MVP: variants seen among roughly 807,000 people sequenced by gnomAD.
MVP encodes lung resistance-related protein.
MVP carries 62 observed loss-of-function variants against 83.5 expected under a neutral mutation model. That is an observed-to-expected ratio of 0.74 (90% CI 0.61 to 0.92). MVP has a LOEUF of 0.92. Ranked by LOEUF, MVP falls within the 40% of genes least tolerant of loss-of-function variation. The pLI is 0.00. For synonymous variants in MVP, 505 were observed against 504.1 expected, an observed-to-expected ratio of 1.00 and a Z score of -0.02; for missense variants, 1,000 against 1,203.4, an observed-to-expected ratio of 0.83 and a Z score of 2.50.
intron 7 of MVP, 141 bp downstream of exon 7, chr16:29,837,099 T>G: frequency 1.4e-6 from 1 of 740,140 alleles, no homozygotes; most frequent in Non-Finnish European, 2.1e-6. Context: ...CTTACACACC[T>G]GAGACACTGG....
Position 29,830,622 on chromosome 16 carries a change from G to C in MVP, c.73G>C (p.Val25Leu). The change falls in exon 2 of 15, where the codon GTG becomes CTG. Residue 25 changes from valine to leucine, a missense_variant. Coordinates refer to ENST00000357402, the MANE Select transcript of MVP (RefSeq NM_005115.5). ...YIHVLDQNSN[V>L]SRVEVGPKTY... ...CCATGTGCTGGACCAGAACAGCAAC[G>C]TGTCCCGTGTGGAGGTCGGGCCAAA... 6.2e-7 allele frequency: 1 copy of C among 1,614,074 alleles called. No homozygotes were observed. Among genetic ancestry groups the C allele is most frequent in the Non-Finnish European group, 8.5e-7 (1 of 1,180,004 alleles).
At position 29,843,214 on chromosome 16, in the gene MVP, G is replaced by T. The variant is rs548921743; in HGVS notation, c.1634+1102G>T. 8.9e-4 allele frequency among the ~76,000 whole-genome samples: 136 copies of T among 152,166 alleles called. 1 individual carries two copies. Among genetic ancestry groups the T allele is most frequent in the African/African-American group, 3.1e-3 (130 of 41,504 alleles). On this transcript the variant is annotated intron_variant, in intron 10 of 14. Transcript: ENST00000357402. The stretch of plus-strand genomic sequence containing the variant: ...ATGTACAGAAACAGTGTTCATGACT[G>T]GGTACTGTGGCTCACACCTGTGATC...
chr16:29,829,304 A>G (rs1213623549), intron 1 of MVP, among the ~76,000 whole-genome samples: 1 of 149,908 alleles, frequency 6.7e-6, no homozygotes, highest in Non-Finnish European at 1.5e-5. Flanking sequence ...AGGCAACATA[A>G]TGAGACCTCA....
chr16:29,844,648 G>A lies in MVP; in HGVS notation c.1790G>A (p.Arg597His), dbSNP rs377434387. ...GATGACTTCCATAAGAACTCAGCCC[G>A]CATCATTCGCACTGCTGTCTTTGGC... ...TFDDFHKNSA[R>H]IIRTAVFGFE... Residue 597 changes from arginine to histidine, a missense_variant, in exon 11 of 15, where the codon CGC becomes CAC. Arg to His is a conservative substitution (Grantham distance 29). Coordinates refer to ENST00000357402, the MANE Select transcript of MVP (RefSeq NM_005115.5). 12 of 1,614,032 alleles carry A rather than the reference G, an allele frequency of 7.4e-6. No individual in the cohort carries two copies. The highest frequency in any genetic ancestry group is 2.7e-5 in the African/African-American group (2 of 74,946).
chr16:29,845,769 TG>T, intron 11 of MVP, 93 bp from the exon 12 acceptor site: 1 of 1,091,780 alleles, frequency 9.2e-7, no homozygotes, highest in Non-Finnish European at 1.3e-6. Flanking sequence ...GGGTCTGTCC[TG>T]GGCACCGGTT....
chr16:29,831,148 C>T (rs2067439408), intron 3 of MVP, 75 bp downstream of exon 3: 1 of 1,352,716 alleles, frequency 7.4e-7, no homozygotes, highest in East Asian at 2.4e-5. Flanking sequence ...CTGCTGCCTT[C>T]TTCTTCTTTT....
rs749105211 is a variant in MVP, at chr16:29,836,745, G to GCGGAA, written c.698_702dup (p.Phe235GlyfsTer19). 1.9e-6 allele frequency: 3 copies of GCGGAA among 1,600,044 alleles called. No individual in the cohort carries two copies. The highest frequency in any genetic ancestry group is 2.6e-6 in the Non-Finnish European group (3 of 1,170,324). ...AGACAGCCCTGCACCTCCGGGCTCG[G>GCGGAA]CGGAACTTCCGGGACTTCAGGGGAG... is the stretch of plus-strand genomic sequence containing the variant. On this transcript the variant is annotated frameshift_variant, in exon 7 of 15. Coordinates refer to ENST00000357402, the MANE Select transcript of MVP (RefSeq NM_005115.5). LOFTEE classifies it high-confidence loss of function.
chr16:29,843,824 C>T (rs1049100740), intron 10 of MVP, among the ~76,000 whole-genome samples: 15 of 152,154 alleles, frequency 9.9e-5, no homozygotes, highest in South Asian at 6.2e-4. Flanking sequence ...CTCTTGAATC[C>T]GGGAGGCGGA....
rs1034850813 is a variant in MVP at position 29,840,253 on chromosome 16, C to T, written c.985C>T (p.Gln329Ter). ...GIQDVYVLSE[Q>*]QGLLLRALQP... ...CCAGGATGTGTATGTGCTGTCGGAG[C>T]AGCAGGGGCTGCTGCTGAGGGCCCT... Residue 329 changes from glutamine (Q) to a stop codon, truncating the protein, a stop_gained, in exon 8 of 15, where the codon CAG becomes TAG. Coordinates refer to ENST00000357402, the MANE Select transcript of MVP (RefSeq NM_005115.5). LOFTEE classifies it high-confidence loss of function. 2 of 1,613,874 alleles carry T rather than the reference C, an allele frequency of 1.2e-6. No individual in the cohort carries two copies. Among genetic ancestry groups the T allele is most frequent in the African/African-American group, 1.3e-5 (1 of 74,908 alleles).
intron 1 of MVP, among the ~76,000 whole-genome samples, chr16:29,823,122 CTTTTTTT>C (rs66512916): frequency 1.0e-4 from 10 of 98,484 alleles, no homozygotes; most frequent in East Asian, 1.0e-3. Context: ...CTTTTCTTTT[CTTTTTTT>C]TTTTTTTTTT....
Position 29,842,794 on chromosome 16 carries a change from G to A in MVP, c.1634+682G>A, listed in dbSNP as rs112447014. On this transcript the variant is annotated intron_variant, in intron 10 of 14. Transcript: ENST00000357402. ...GAACCTAGGAGTTCACGCAAATCCA[G>A]GGAAGGCGTGGGCTCACCTCCTGGG... Among the ~76,000 whole-genome samples, 907 of 152,298 alleles carry A rather than the reference G, an allele frequency of 6.0e-3. 7 individuals carry two copies. The highest frequency in any genetic ancestry group is 0.019 in the African/African-American group (787 of 41,564).
At chr16:29,846,561 G>A (rs1242442838) in intron 13 of MVP, among the ~76,000 whole-genome samples, 1 of 152,204 alleles carries the variant, frequency 6.6e-6, no homozygotes, top group Non-Finnish European at 1.5e-5. Flanking sequence ...TTTAATGCTT[G>A]AAATCCCATT....
intron 1 of MVP, among the ~76,000 whole-genome samples, chr16:29,829,243 G>A (rs1477137901): frequency 6.6e-6 from 1 of 151,524 alleles, no homozygotes; most frequent in African/African-American, 2.4e-5. Flanking sequence ...CCAGCACTTT[G>A]GGAGGCAGAG....
At chr16:29,825,174 C>G (rs2067396237) in intron 1 of MVP, among the ~76,000 whole-genome samples, 1 of 152,168 alleles carries the variant, frequency 6.6e-6, no homozygotes. Flanking sequence ...GTGGTTCTTG[C>G]AGGAGCCTCA....
chr16:29,847,754 C>A lies in MVP; in HGVS notation c.2455-8C>A. On this transcript the variant is annotated splice_region_variant and splice_polypyrimidine_tract_variant and intron_variant, in intron 14 of 14. Coordinates refer to ENST00000357402, the MANE Select transcript of MVP (RefSeq NM_005115.5). ...CCATCTCAACTTCCTCCTGTTCTCACCCTCCAGGTAAAACTGCTCCAGTCC... is the reference window on the plus strand; with the variant it reads ...CCATCTCAACTTCCTCCTGTTCTCAACCTCCAGGTAAAACTGCTCCAGTCC... 3 of 1,613,390 alleles carry A rather than the reference C, an allele frequency of 1.9e-6. No homozygotes were observed. Among genetic ancestry groups the A allele is most frequent in the Non-Finnish European group, 2.5e-6 (3 of 1,179,466 alleles).
At chr16:29,839,190 AAAAAAG>A (rs1303754737) in intron 7 of MVP, among the ~76,000 whole-genome samples, 7 of 152,216 alleles carry the variant, frequency 4.6e-5, no homozygotes, top group African/African-American at 1.4e-4. Context: ...CTCCATCTCA[AAAAAAG>A]AAAAAGAAAA....
chr16:29,843,530 AAGGGAGGAAGGGAGGAAGGGAGGGAGGG>A (rs2067552006), intron 10 of MVP, among the ~76,000 whole-genome samples: 1 of 20,346 alleles, frequency 4.9e-5, no homozygotes, highest in East Asian at 1.3e-3. Context: ...GGAAGGGAGG[AAGGGAGGAAGGGAGGAAGGGAGGGAGGG>A]AGGGAGGGAG....
rs765084274 is a variant in MVP at position 29,831,017 on chromosome 16, G to C, written c.265G>C (p.Glu89Gln). ...AGTTCGGCTTCGCCACGCTGACCTC[G>C]AGATCCGGCTGGCCCAGGACCCCTT... ...GQVRLRHADLEIRLAQDPFPL... is the reference protein window; with the variant it reads ...GQVRLRHADLQIRLAQDPFPL... Residue 89 changes from glutamate (E) to glutamine (Q), a missense_variant, in exon 3 of 15, where the codon GAG becomes CAG. By Grantham distance (29) the Glu-to-Gln change is conservative. Transcript: ENST00000357402. 6.2e-7 allele frequency: 1 copy of C among 1,613,682 alleles called. No homozygotes were observed. The highest frequency in any genetic ancestry group is 1.3e-5 in the African/African-American group (1 of 74,882).
intron 7 of MVP, 77 bp from the exon 8 acceptor site, chr16:29,840,101 C>A: frequency 6.9e-7 from 1 of 1,458,406 alleles, no homozygotes; most frequent in Non-Finnish European, 9.3e-7. Flanking sequence ...CCTGAAACAG[C>A]ACAGGACTGG....
Sources: allele counts gnomAD v4.1 joint callset (sites outside exome capture counted in the v4.1 genomes callset), GRCh38; gene constraint gnomAD v4.1.1; transcripts MANE v1.5; gene names NCBI Gene and HGNC (gene_info 2026-07-23, HGNC 2026-07-21).